The following CDIN1 variants were observed in gnomAD, a reference collection of about 807,000 sequenced individuals.
CDIN1 encodes the protein CDAN1 interacting nuclease 1.
In CDIN1, 33 loss-of-function variants were observed where a neutral mutation model predicts 45.3. The ratio of observed to expected loss-of-function variants is 0.73; its 90% CI spans 0.55 to 0.97. The LOEUF (loss-of-function observed/expected upper bound fraction) is 0.97. Among genes scored for constraint, CDIN1 ranks in the 50% least tolerant of loss-of-function variants. The pLI is 0.00. For synonymous variants in CDIN1, 118 were observed against 124.4 expected (o/e 0.95, Z 0.34); for missense variants, 303 against 339.4 (o/e 0.89, Z 0.84).
chr15:36,650,561 G>A (rs1435695827), intron 3 of CDIN1, among the ~76,000 whole-genome samples: 1 of 151,742 alleles, frequency 6.6e-6, no homozygotes, highest in South Asian at 2.1e-4. Flanking sequence ...TTGTGCCTCA[G>A]CCTCCTGAGT....
At chr15:36,629,380 A>G (rs1017180864) in intron 1 of CDIN1, among the ~76,000 whole-genome samples, 1 of 152,198 alleles carries the variant, frequency 6.6e-6, no homozygotes, top group Non-Finnish European at 1.5e-5. Flanking sequence ...AGCACTGAAT[A>G]TTACTGAGGA....
intron 5 of CDIN1, among the ~76,000 whole-genome samples, chr15:36,667,677 AT>A (rs749166837): frequency 2.0e-5 from 3 of 152,180 alleles, no homozygotes; most frequent in Non-Finnish European, 2.9e-5. Flanking sequence ...CTTCTTATTC[AT>A]GAGAAGACGC....
At chr15:36,663,102 G>C (rs1438685229) in intron 5 of CDIN1, among the ~76,000 whole-genome samples, 1 of 152,094 alleles carries the variant, frequency 6.6e-6, no homozygotes, top group East Asian at 1.9e-4. Flanking sequence ...TGTAGAATTA[G>C]AGGAAGCCTC....
At chr15:36,639,230 A>G (rs2040012381) in intron 1 of CDIN1, among the ~76,000 whole-genome samples, 1 of 152,194 alleles carries the variant, frequency 6.6e-6, no homozygotes, top group South Asian at 2.1e-4. Flanking sequence ...CCACATTGGC[A>G]TATTCAGCTA....
chr15:36,579,778 C>A lies in CDIN1; in HGVS notation c.-83C>A. ...ACCCGGGCCTGTGCCGCTTTGCCTA[C>A]CCCTCATCCCTCGGCACCAAGGCTA... On this transcript the variant is annotated 5_prime_UTR_variant, in exon 1 of 11. Coordinates refer to ENST00000566621, the MANE Select transcript of CDIN1 (RefSeq NM_001321759.2). 8.7e-7 allele frequency: 1 copy of A among 1,152,292 alleles called. No individual in the cohort carries two copies. 71.4% of individuals were successfully genotyped at this position (1,152,292 alleles called of 1,614,324 possible).
intron 1 of CDIN1, among the ~76,000 whole-genome samples, chr15:36,613,152 A>G (rs2038727581): frequency 6.6e-6 from 1 of 152,194 alleles, no homozygotes; most frequent in Non-Finnish European, 1.5e-5. Flanking sequence ...TTATGTGTTC[A>G]CATGTTATCT....
At chr15:36,587,396 C>A (rs895582477) in intron 1 of CDIN1, among the ~76,000 whole-genome samples, 1 of 145,742 alleles carries the variant, frequency 6.9e-6, no homozygotes, top group Non-Finnish European at 1.5e-5. Context: ...CTTGAAATCT[C>A]ACCTCTCTTT....
intron 1 of CDIN1, among the ~76,000 whole-genome samples, chr15:36,595,290 TTATAATATAATATAATATAA>T (rs36228170): frequency 3.2e-4 from 45 of 141,408 alleles, no homozygotes; most frequent in Admixed American, 7.2e-4. Context: ...TACACTTACA[TTATAATATAATATAATATAA>T]TATAATATAA....
intron 8 of CDIN1, among the ~76,000 whole-genome samples, 171 bp downstream of exon 8, chr15:36,697,561 C>T (rs2042478970): frequency 6.6e-6 from 1 of 152,124 alleles, no homozygotes; most frequent in Non-Finnish European, 1.5e-5. Context: ...CCTATATATA[C>T]AGCACATGCA....
Position 36,709,345 on chromosome 15 carries a change from A to G in CDIN1, c.610+57A>G. The G allele has an allele frequency of 7.4e-6, 10 of 1,344,180 alleles. No homozygotes were observed. The South Asian group carries it at 1.5e-4, about 20-fold the overall frequency. 83.3% of individuals were successfully genotyped at this position (1,344,180 alleles called of 1,614,324 possible). A position where few individuals can be genotyped will look rare whatever the true frequency, so the allele number is the denominator to read the frequency against. The stretch of plus-strand genomic sequence containing the variant: ...TTTAGAGAAAAGGGATGTATTTTTT[A>G]ATTTTTTTATGTTAATATTAGCTTT... On this transcript the variant is annotated intron_variant, in intron 9 of 10. Transcript: ENST00000566621.
chr15:36,636,687 T>C (rs1160526182), intron 1 of CDIN1, among the ~76,000 whole-genome samples: 1 of 152,238 alleles, frequency 6.6e-6, no homozygotes, highest in African/African-American at 2.4e-5. Context: ...GCAGTGTCTT[T>C]TGAGATTTAA....
At chr15:36,610,555 G>T (rs1174149608) in intron 1 of CDIN1, among the ~76,000 whole-genome samples, 3 of 152,100 alleles carry the variant, frequency 2.0e-5, no homozygotes, top group African/African-American at 2.4e-5. Flanking sequence ...ATTTGGATGG[G>T]TTTGTATATA....
chr15:36,709,795 A>G (rs962200057), intron 9 of CDIN1, 61 bp from the exon 10 acceptor site: 2 of 1,311,526 alleles, frequency 1.5e-6, no homozygotes, highest in Non-Finnish European at 1.1e-6. Flanking sequence ...GCCTGTACAG[A>G]GTTCAGAATT....
intron 8 of CDIN1, among the ~76,000 whole-genome samples, chr15:36,697,923 A>T (rs1164872582): frequency 6.6e-6 from 1 of 152,176 alleles, no homozygotes; most frequent in Non-Finnish European, 1.5e-5. Flanking sequence ...ATTTCTTTCA[A>T]CATCTCTTAA....
chr15:36,650,347 A>G (rs1401920869), intron 3 of CDIN1, among the ~76,000 whole-genome samples: 3 of 152,222 alleles, frequency 2.0e-5, no homozygotes, highest in African/African-American at 4.8e-5. Flanking sequence ...GTCTATTTAT[A>G]TACAACATGG....
chr15:36,788,091 TA>T (rs1566973585), intron 10 of CDIN1, among the ~76,000 whole-genome samples: 174 of 11,910 alleles, frequency 0.015, 2 homozygotes, highest in South Asian at 0.076. Context: ...TATATATATA[TA>T]TATATATATA....
chr15:36,648,003 C>T (rs2040410435), intron 3 of CDIN1, among the ~76,000 whole-genome samples: 1 of 152,072 alleles, frequency 6.6e-6, no homozygotes. Flanking sequence ...CCACGCCCGG[C>T]TAATTTTTTG....
At chr15:36,698,000 T>TAC (rs2042497962) in intron 8 of CDIN1, among the ~76,000 whole-genome samples, 1 of 152,192 alleles carries the variant, frequency 6.6e-6, no homozygotes, top group Non-Finnish European at 1.5e-5. Flanking sequence ...TAAAGCACTC[T>TAC]ACAATGAATT....
chr15:36,800,632 G>GTTTA (rs1566983710), intron 10 of CDIN1, among the ~76,000 whole-genome samples: 2 of 151,756 alleles, frequency 1.3e-5, no homozygotes, highest in Admixed American at 6.6e-5. Flanking sequence ...CAGTGTAAGA[G>GTTTA]TTTATTTTAA....
Sources: gnomAD v4.1 joint callset for allele counts (sites outside exome capture counted in the v4.1 genomes callset) on GRCh38, gnomAD v4.1.1 for gene constraint, MANE v1.5 for transcripts, NCBI Gene and HGNC (gene_info 2026-07-23, HGNC 2026-07-21) for gene names.